ALOXE3: variants seen among roughly 807,000 people sequenced by gnomAD.
ALOXE3 encodes the protein hydroperoxide isomerase ALOXE3.
ALOXE3 carries 78 observed loss-of-function variants against 87.5 expected under a neutral mutation model. That is an observed-to-expected ratio of 0.89 (90% confidence interval 0.74 to 1.08). The LOEUF (loss-of-function observed/expected upper bound fraction) is 1.08, where lower values mean the gene tolerates loss of function less well. Among genes scored for constraint, ALOXE3 ranks in the 50% least tolerant of loss-of-function variants. ALOXE3 has a pLI of 0.00. For synonymous variants in ALOXE3, 363 were observed against 370.8 expected (o/e 0.98, Z 0.24); for missense variants, 946 against 912.4 (o/e 1.04, Z -0.47).
chr17:8,112,166 C>T lies in ALOXE3; in HGVS notation c.711G>A (p.Leu237=). The change falls in exon 7 of 16, where the codon TTG becomes TTA. Residue 237 remains leucine, a synonymous_variant. Coordinates refer to ENST00000448843, the MANE Select transcript of ALOXE3 (RefSeq NM_021628.3). ...GCTTCTTCCAGGAGCCCTTGCGATC[C>T]AACAGCCCTCGAAGCTTCATTCCCA... ...ASLGMKLRGL[L]DRKGSWKKLD... The T allele has an allele frequency of 6.2e-7, 1 of 1,614,168 alleles. No individual in the cohort carries two copies. The highest frequency in any genetic ancestry group is 8.5e-7 in the Non-Finnish European group (1 of 1,180,026).
intron 13 of ALOXE3, 76 bp from the exon 14 acceptor site, chr17:8,104,291 C>T (rs946696432): frequency 2.7e-6 from 3 of 1,117,608 alleles, no homozygotes; most frequent in Non-Finnish European, 4.1e-6. Flanking sequence ...GACTGGGGCT[C>T]ACCACAGGGG....
intron 11 of ALOXE3, 145 bp from the exon 12 acceptor site, chr17:8,109,488 G>A: frequency 1.8e-6 from 2 of 1,106,256 alleles, no homozygotes; most frequent in Non-Finnish European, 2.6e-6. Flanking sequence ...ACGAGGGCCT[G>A]CCTGACGCAG....
chr17:8,107,970 GAGAGAGAGAGA>G (rs1567996782), intron 13 of ALOXE3, among the ~76,000 whole-genome samples: 3 of 16,270 alleles, frequency 1.8e-4, no homozygotes, highest in Non-Finnish European at 3.2e-4. Context: ...AGGAAGGAGA[GAGAGAGAGAGA>G]GAAAGAAAGA....
Position 8,104,153 on chromosome 17 carries a change from TGAA to T in ALOXE3, c.1744_1746del (p.Phe582del). Reference sequence around the variant, plus strand: ...ACAGCAGCGTGCTGGGCAGAGCAATTGAAGATGATTGCAGTGAGGAACTTCACC... The same window carrying T: ...ACAGCAGCGTGCTGGGCAGAGCAATTGATGATTGCAGTGAGGAACTTCACC... On this transcript the variant is annotated inframe_deletion, in exon 14 of 16. Coordinates refer to ENST00000448843, the MANE Select transcript of ALOXE3 (RefSeq NM_021628.3). 6.2e-7 allele frequency: 1 copy of T among 1,613,916 alleles called. No homozygotes were observed. The highest frequency in any genetic ancestry group is 2.2e-5 in the East Asian group (1 of 44,866).
chr17:8,104,249 T>C (rs751235050), intron 13 of ALOXE3, 34 bp from the exon 14 acceptor site: 6 of 1,527,852 alleles, frequency 3.9e-6, no homozygotes, highest in Middle Eastern at 1.7e-4. Flanking sequence ...AGGGTGTGGA[T>C]GGAAGGTACT....
chr17:8,112,169 C>A lies in ALOXE3; in HGVS notation c.708G>T (p.Leu236=), dbSNP rs1248493477. The A allele has an allele frequency of 5.0e-6, 8 of 1,614,192 alleles. No homozygotes were observed. In the East Asian group the frequency reaches 1.8e-4, roughly 36 times the overall value. ...PASLGMKLRG[L]LDRKGSWKKL... is the part of the protein sequence containing the mutation. ...TCTTCCAGGAGCCCTTGCGATCCAA[C>A]AGCCCTCGAAGCTTCATTCCCAAGG... Residue 236 remains leucine, a synonymous_variant, in exon 7 of 16, where the codon CTG becomes CTT. Transcript: ENST00000448843.
chr17:8,102,766 G>A (rs1979005501), intron 15 of ALOXE3, among the ~76,000 whole-genome samples: 2 of 152,180 alleles, frequency 1.3e-5, no homozygotes, highest in Admixed American at 6.5e-5. Flanking sequence ...GACCCATTTA[G>A]GTTCCTCAGG....
At chr17:8,114,719 C>A (rs1598216569) in intron 5 of ALOXE3, 110 bp from the exon 6 acceptor site, 1 of 1,527,318 alleles carries the variant, frequency 6.5e-7, no homozygotes, top group African/African-American at 1.4e-5. Context: ...CTCTCTTACT[C>A]CCGGCTCCTC....
chr17:8,107,279 G>A (rs1297710190), intron 13 of ALOXE3, among the ~76,000 whole-genome samples: 2 of 152,240 alleles, frequency 1.3e-5, no homozygotes, highest in Non-Finnish European at 2.9e-5. Context: ...TACTTCGGGA[G>A]GCCGAGGTGG....
intron 1 of ALOXE3, 84 bp from the exon 2 acceptor site, chr17:8,118,387 C>A (rs1980807048): frequency 3.2e-6 from 5 of 1,551,282 alleles, no homozygotes; most frequent in Non-Finnish European, 4.4e-6. Flanking sequence ...GCCTGGTCAG[C>A]GGCCCGGACT....
At chr17:8,107,912 AG>A (rs1979538454) in intron 13 of ALOXE3, among the ~76,000 whole-genome samples, 1 of 7,162 alleles carries the variant, frequency 1.4e-4, no homozygotes, top group Admixed American at 1.3e-3. Flanking sequence ...AAAGAAAGAA[AG>A]AAAGAAAGAA....
intron 6 of ALOXE3, 126 bp from the exon 7 acceptor site, chr17:8,112,322 C>A: frequency 4.1e-6 from 3 of 727,276 alleles, no homozygotes; most frequent in Admixed American, 2.2e-5. Flanking sequence ...TAACAATCCA[C>A]ATGGGAGAAA....
intron 14 of ALOXE3, 61 bp from the exon 15 acceptor site, chr17:8,103,554 T>A: frequency 1.3e-6 from 2 of 1,562,102 alleles, no homozygotes; most frequent in Non-Finnish European, 1.8e-6. Flanking sequence ...ACCTCCCTCT[T>A]CACCATCCCT....
At chr17:8,104,977 G>A (rs9909909) in intron 13 of ALOXE3, among the ~76,000 whole-genome samples, 6,017 of 152,142 alleles carry the variant, frequency 0.04, 423 homozygotes, top group African/African-American at 0.13. Flanking sequence ...GCTGTGCCTG[G>A]CGTCTGAGCT....
rs143555716 is a variant in ALOXE3, at chr17:8,106,070, G to C, written c.1685-1855C>G. ...ATTTCAGAGGATTAGCAGGGTGGTGGCCCTGCAGGCTTGGCGGGCAAGCAG... is the reference window on the plus strand; with the variant it reads ...ATTTCAGAGGATTAGCAGGGTGGTGCCCCTGCAGGCTTGGCGGGCAAGCAG... On this transcript the variant is annotated intron_variant, in intron 13 of 15. Coordinates refer to ENST00000448843, the MANE Select transcript of ALOXE3 (RefSeq NM_021628.3). Among the ~76,000 whole-genome samples the C allele has an allele frequency of 4.2e-3, 645 of 152,022 alleles. 13 individuals carry two copies. Among genetic ancestry groups the C allele is most frequent in the Admixed American group, 0.026 (395 of 15,252 alleles).
intron 2 of ALOXE3, among the ~76,000 whole-genome samples, chr17:8,117,284 G>T (rs1209141763): frequency 6.6e-6 from 1 of 152,208 alleles, no homozygotes; most frequent in African/African-American, 2.4e-5. Context: ...GTCGGGCGTC[G>T]TGGCAGGCGC....
At chr17:8,106,415 C>G (rs907229394) in intron 13 of ALOXE3, among the ~76,000 whole-genome samples, 1 of 152,050 alleles carries the variant, frequency 6.6e-6, no homozygotes, top group Non-Finnish European at 1.5e-5. Flanking sequence ...AGCAGGCAGA[C>G]ACACCTGTAG....
chr17:8,102,912 T>C (rs149295040), intron 15 of ALOXE3, among the ~76,000 whole-genome samples: 1 of 152,326 alleles, frequency 6.6e-6, no homozygotes, highest in African/African-American at 2.4e-5. Flanking sequence ...AAGTAACTCC[T>C]ACAACACGGT....
At chr17:8,101,242 G>A (rs572369978) in intron 15 of ALOXE3, among the ~76,000 whole-genome samples, 1 of 152,272 alleles carries the variant, frequency 6.6e-6, no homozygotes, top group South Asian at 2.1e-4. Context: ...TGGCCAGGCT[G>A]ATCTCGAACT....
Sources: allele counts gnomAD v4.1 joint callset (sites outside exome capture counted in the v4.1 genomes callset), GRCh38; gene constraint gnomAD v4.1.1; transcripts MANE v1.5; gene names NCBI Gene and HGNC (gene_info 2026-07-23, HGNC 2026-07-21).